The following DBX2 variants were observed in gnomAD, a reference collection of about 807,000 sequenced individuals.
The protein encoded by DBX2 is homeobox protein DBX2.
In DBX2, 16 loss-of-function variants were observed where a neutral mutation model predicts 17.7. The ratio of observed to expected loss-of-function variants is 0.90; its 90% CI spans 0.61 to 1.37. DBX2 has a LOEUF of 1.37. DBX2 is among the 40% of genes most tolerant of loss of function. The pLI is 0.00. For synonymous variants in DBX2, 255 were observed against 183.8 expected (o/e 1.39, Z -3.13); for missense variants, 538 against 433.8 (o/e 1.24, Z -2.13).
rs1946323100 is a variant in DBX2, at chr12:45,016,346, G to A, written c.960C>T (p.Ala320=). 1 of 1,610,290 alleles carries A rather than the reference G, an allele frequency of 6.2e-7. No individual in the cohort carries two copies. The highest frequency in any genetic ancestry group is 8.5e-7 in the Non-Finnish European group (1 of 1,178,652). ...CTTCTTCTTCAGAACATAAATATAA[G>A]GCACCTTGCAGTGAATTTGCTTCTG... The part of the protein sequence containing the change: ...PPPEANSLQG[A]LYLCSEEEAG... Residue 320 remains alanine, a synonymous_variant, in exon 4 of 4, where the codon GCC becomes GCT. Coordinates refer to ENST00000332700, the MANE Select transcript of DBX2 (RefSeq NM_001004329.3).
intron 2 of DBX2, among the ~76,000 whole-genome samples, chr12:45,032,417 C>G (rs1192643435): frequency 6.6e-6 from 1 of 152,088 alleles, no homozygotes; most frequent in East Asian, 1.9e-4. Context: ...GTCCTCAGTC[C>G]ACTGGCCACT....
chr12:45,017,924 T>C (rs1946331913), intron 3 of DBX2, among the ~76,000 whole-genome samples: 2 of 152,196 alleles, frequency 1.3e-5, no homozygotes, highest in Admixed American at 6.5e-5. Flanking sequence ...CAACCAAGTA[T>C]TTCTCTCAGT....
rs966103945 is a variant in DBX2 at position 45,016,511 on chromosome 12, G to A, written c.795C>T (p.Leu265=). The A allele has an allele frequency of 1.2e-6, 2 of 1,613,172 alleles. No homozygotes were observed. Among genetic ancestry groups the A allele is most frequent in the African/African-American group, 2.7e-5 (2 of 74,864 alleles). Residue 265 remains leucine, a synonymous_variant, in exon 4 of 4, where the codon CTC becomes CTT. Coordinates refer to ENST00000332700, the MANE Select transcript of DBX2 (RefSeq NM_001004329.3). ...IQEVGLQEDP[L]SRSALGFPSP... is the part of the protein sequence containing the mutation. ...AAGGGAAACCCAGAGCAGACCGTGA[G>A]AGGGGATCCTCTTGAAGACCTACTT...
intron 2 of DBX2, 59 bp from the exon 3 acceptor site, chr12:45,023,953 T>C: frequency 6.8e-7 from 1 of 1,475,222 alleles, no homozygotes; most frequent in Non-Finnish European, 9.0e-7. Flanking sequence ...AGTCAGTCTT[T>C]CCTAGGACAA....
At chr12:45,038,542 T>A (rs1049828904) in intron 1 of DBX2, among the ~76,000 whole-genome samples, 17 of 151,482 alleles carry the variant, frequency 1.1e-4, no homozygotes, top group African/African-American at 3.4e-4. Flanking sequence ...TGCATCCTTA[T>A]ATATACATAT....
At chr12:45,042,947 C>T (rs936601981) in intron 1 of DBX2, among the ~76,000 whole-genome samples, 7 of 152,148 alleles carry the variant, frequency 4.6e-5, no homozygotes, top group Non-Finnish European at 1.0e-4. Flanking sequence ...TTCAGGGAGT[C>T]TCAATTAGAC....
In DBX2 at chr12:45,022,689, G is replaced by A. The variant is rs191313230; in HGVS notation, c.687+1018C>T. Among the ~76,000 whole-genome samples the A allele has an allele frequency of 3.9e-4, 60 of 152,252 alleles. No homozygotes were observed. In the East Asian group the frequency reaches 9.5e-3, roughly 24 times the overall value. ...AGTAGAGCATGGTGGTTTGAACAGAGCCTCCTCTAACCCTTTAGTCCCTTT... is the reference window on the plus strand; with the variant it reads ...AGTAGAGCATGGTGGTTTGAACAGAACCTCCTCTAACCCTTTAGTCCCTTT... On this transcript the variant is annotated intron_variant, in intron 3 of 3. Coordinates refer to ENST00000332700, the MANE Select transcript of DBX2 (RefSeq NM_001004329.3).
intron 3 of DBX2, among the ~76,000 whole-genome samples, chr12:45,021,643 C>G (rs1245215827): frequency 1.3e-5 from 2 of 152,306 alleles, no homozygotes; most frequent in East Asian, 3.9e-4. Flanking sequence ...GCAGGCCAGG[C>G]CCACTGAGCT....
chr12:45,049,870 T>A (rs1336154252), intron 1 of DBX2, among the ~76,000 whole-genome samples: 1 of 152,200 alleles, frequency 6.6e-6, no homozygotes, highest in Non-Finnish European at 1.5e-5. Flanking sequence ...AATTCTTATT[T>A]ATTGGTGAAC....
chr12:45,017,195 T>G (rs2468347), intron 3 of DBX2, among the ~76,000 whole-genome samples: 97,230 of 152,024 alleles, frequency 0.64, 31,572 homozygotes, highest in South Asian at 0.84. Flanking sequence ...TTAACTCTTA[T>G]ATATTTTAAA....
At chr12:45,037,931 G>A (rs547826478) in intron 1 of DBX2, among the ~76,000 whole-genome samples, 4 of 151,772 alleles carry the variant, frequency 2.6e-5, no homozygotes, top group South Asian at 2.1e-4. Flanking sequence ...AAATATGGCC[G>A]CTAAGCAAAG....
At chr12:45,043,356 A>G (rs755477734) in intron 1 of DBX2, among the ~76,000 whole-genome samples, 3 of 152,170 alleles carry the variant, frequency 2.0e-5, no homozygotes, top group Non-Finnish European at 4.4e-5. Flanking sequence ...TTCCAAGACT[A>G]AGTCGTAAGA....
In DBX2 at chr12:45,050,697, A is replaced by T. The variant is rs779332087; in HGVS notation, c.231T>A (p.Pro77=). The change falls in exon 1 of 4, where the codon CCT becomes CCA. Residue 77 remains proline (P), a synonymous_variant. Coordinates refer to ENST00000332700, the MANE Select transcript of DBX2 (RefSeq NM_001004329.3). ...ACAGCTTTAGGGGAACTGGGCTAGC[A>T]GGCAGGGGCCGGAGCTGCGCGCCCG... ...ATAGAQLRPL[P]ASPVPLKLCP... 1.8e-5 allele frequency: 27 copies of T among 1,527,396 alleles called. No homozygotes were observed. The Admixed American group carries it at 2.5e-4, about 14-fold the overall frequency. 94.6% of individuals were successfully genotyped at this position (1,527,396 alleles called of 1,614,324 possible). A position where few individuals can be genotyped will look rare whatever the true frequency, so the allele number is the denominator to read the frequency against.
Position 45,050,851 on chromosome 12 carries a change from G to GGGAGGTTGAGGAGCGC in DBX2, c.61_76dup (p.Pro26ArgfsTer59), listed in dbSNP as rs1392351815. The GGGAGGTTGAGGAGCGC allele has an allele frequency of 4.6e-6, 7 of 1,538,268 alleles. No homozygotes were observed. The highest frequency in any genetic ancestry group is 2.8e-5 in the African/African-American group (2 of 70,434). On this transcript the variant is annotated frameshift_variant, in exon 1 of 4. Coordinates refer to ENST00000332700, the MANE Select transcript of DBX2 (RefSeq NM_001004329.3). LOFTEE classifies it high-confidence loss of function. The stretch of plus-strand genomic sequence containing the variant: ...CAGGTTGCCAAAGCCGGGCGCAGCG[G>GGGAGGTTGAGGAGCGC]GGAGGTTGAGGAGCGCGGAGGAAGC...
chr12:45,043,777 C>T (rs772163367), intron 1 of DBX2, among the ~76,000 whole-genome samples: 2 of 152,226 alleles, frequency 1.3e-5, no homozygotes, highest in Admixed American at 6.5e-5. Context: ...TTATACACAA[C>T]GCCCCTTTTA....
chr12:45,018,869 T>C (rs1158177403), intron 3 of DBX2, among the ~76,000 whole-genome samples: 2 of 151,904 alleles, frequency 1.3e-5, no homozygotes, highest in Non-Finnish European at 2.9e-5. Flanking sequence ...AGGATATTAT[T>C]CTAAGTAAAA....
intron 2 of DBX2, among the ~76,000 whole-genome samples, chr12:45,026,780 T>C (rs1946383550): frequency 1.3e-5 from 2 of 152,222 alleles, no homozygotes. Flanking sequence ...TCTGTAACTC[T>C]GTATCTCCTT....
chr12:45,046,009 C>G (rs936348794), intron 1 of DBX2, among the ~76,000 whole-genome samples: 5 of 152,154 alleles, frequency 3.3e-5, no homozygotes, highest in Admixed American at 2.6e-4. Flanking sequence ...GCTCCATGTA[C>G]TCCTGTTTTA....
intron 2 of DBX2, among the ~76,000 whole-genome samples, chr12:45,032,664 G>C (rs1266010830): frequency 6.6e-6 from 1 of 152,086 alleles, no homozygotes; most frequent in African/African-American, 2.4e-5. Flanking sequence ...TTAAAATGTA[G>C]AATATAAGTT....
Sources: allele counts gnomAD v4.1 joint callset (sites outside exome capture counted in the v4.1 genomes callset), GRCh38; gene constraint gnomAD v4.1.1; transcripts MANE v1.5; gene names NCBI Gene and HGNC (gene_info 2026-07-23, HGNC 2026-07-21).